ASTN2: variants seen among roughly 807,000 people sequenced by gnomAD.
The protein encoded by ASTN2 is astrotactin 2, also known as astrotactin-2.
ASTN2 carries 54 observed loss-of-function variants against 139.8 expected under a neutral mutation model. That is an observed-to-expected ratio of 0.39 (90% CI 0.31 to 0.48). The LOEUF is 0.48. ASTN2 is among the 20% of genes least tolerant of loss of function. ASTN2 has a pLI of 0.95. For missense variants in ASTN2, 1,565 were observed against 1,725.1 expected, an observed-to-expected ratio of 0.91 and a Z score of 1.64; for synonymous variants, 756 against 719.5, an observed-to-expected ratio of 1.05 and a Z score of -0.81.
intron 20 of ASTN2, among the ~76,000 whole-genome samples, chr9:116,472,615 T>C (rs1380602607): frequency 6.6e-6 from 1 of 152,028 alleles, no homozygotes; most frequent in Non-Finnish European, 1.5e-5. Context: ...GTTAGAATCA[T>C]GGTTCTGGCC....
chr9:116,995,345 T>C (rs1413858810), intron 7 of ASTN2, among the ~76,000 whole-genome samples: 1 of 152,178 alleles, frequency 6.6e-6, no homozygotes, highest in African/African-American at 2.4e-5. Flanking sequence ...ATGAGGCCCA[T>C]AGAGAAAAGG....
intron 13 of ASTN2, among the ~76,000 whole-genome samples, chr9:116,782,992 A>C (rs1830260006): frequency 6.6e-6 from 1 of 152,102 alleles, no homozygotes; most frequent in Non-Finnish European, 1.5e-5. Flanking sequence ...TACATAATTT[A>C]TCATGTGATC....
At chr9:116,833,478 T>C (rs1367835060) in intron 11 of ASTN2, among the ~76,000 whole-genome samples, 1 of 151,944 alleles carries the variant, frequency 6.6e-6, no homozygotes, top group Non-Finnish European at 1.5e-5. Context: ...GCCTAGATTA[T>C]TGATTTGTAA....
intron 10 of ASTN2, among the ~76,000 whole-genome samples, chr9:116,965,581 T>C (rs1835990271): frequency 6.6e-6 from 1 of 152,212 alleles, no homozygotes; most frequent in South Asian, 2.1e-4. Context: ...CATGGAATGA[T>C]ACAGAGAGGA....
chr9:117,142,735 C>G lies in ASTN2; in HGVS notation c.1016-1257G>C, dbSNP rs1830104223. On this transcript the variant is annotated intron_variant, in intron 3 of 22. Transcript: ENST00000313400. ...AAAAGCTTGAGAAGGAAGGAGGCAACATAAAAGGCAAGAAGAGAAAACCAA... is the reference window on the plus strand; with the variant it reads ...AAAAGCTTGAGAAGGAAGGAGGCAAGATAAAAGGCAAGAAGAGAAAACCAA... Among the ~76,000 whole-genome samples, 3 of 152,072 alleles carry G rather than the reference C, an allele frequency of 2.0e-5. No homozygotes were observed. The South Asian group carries it at 6.2e-4, about 32-fold the overall frequency.
At chr9:116,855,207 T>G (rs2132328480) in intron 11 of ASTN2, among the ~76,000 whole-genome samples, 1 of 152,318 alleles carries the variant, frequency 6.6e-6, no homozygotes, top group South Asian at 2.1e-4. Context: ...ATAGGCTTTA[T>G]GAGAATGCCA....
chr9:116,558,283 A>G (rs1222725433), intron 19 of ASTN2, among the ~76,000 whole-genome samples: 2 of 152,198 alleles, frequency 1.3e-5, no homozygotes, highest in Non-Finnish European at 2.9e-5. Context: ...GCTTACTAAT[A>G]TGACAGAATC....
At chr9:116,982,152 A>T (rs894775426) in intron 7 of ASTN2, among the ~76,000 whole-genome samples, 1 of 152,212 alleles carries the variant, frequency 6.6e-6, no homozygotes. Flanking sequence ...AGGCTGGTGA[A>T]ATAGTTCAGA....
In ASTN2 at chr9:116,815,804, C is replaced by CAAAAAAAA. The variant is rs55954354; in HGVS notation, c.2207+4805_2207+4812dup. ...TGGGCAACAGAGCGAGACTCCGTCT[C>CAAAAAAAA]AAAAAAAAAAAAAAAAAAAAAAAAG... On this transcript the variant is annotated intron_variant, in intron 12 of 22. Coordinates refer to ENST00000313400, the MANE Select transcript of ASTN2 (RefSeq NM_001365068.1). Among the ~76,000 whole-genome samples, 171 of 24,102 alleles carry CAAAAAAAA rather than the reference C, an allele frequency of 7.1e-3. 40 individuals carry two copies. The highest frequency in any genetic ancestry group is 0.027 in the African/African-American group (150 of 5,476). 15.8% of individuals were successfully genotyped at this position (24,102 alleles called of 152,430 possible). A position where few individuals can be genotyped will look rare whatever the true frequency, so the allele number is the denominator to read the frequency against.
At chr9:117,325,136 G>A (rs1345884756) in intron 1 of ASTN2, among the ~76,000 whole-genome samples, 1 of 152,122 alleles carries the variant, frequency 6.6e-6, no homozygotes, top group East Asian at 1.9e-4. Context: ...AATAAAACAA[G>A]CAGACAAGAG....
intron 1 of ASTN2, among the ~76,000 whole-genome samples, chr9:117,310,063 G>A (rs1167759077): frequency 6.6e-6 from 1 of 152,102 alleles, no homozygotes; most frequent in African/African-American, 2.4e-5. Context: ...GACAGGGTGT[G>A]CAGCCAATAC....
chr9:117,035,704 A>T (rs1838365557), intron 6 of ASTN2, among the ~76,000 whole-genome samples: 1 of 152,160 alleles, frequency 6.6e-6, no homozygotes, highest in Non-Finnish European at 1.5e-5. Context: ...AGGCATTGGG[A>T]TCATGCTGGG....
At chr9:116,676,501 C>G (rs926313811) in intron 16 of ASTN2, among the ~76,000 whole-genome samples, 1 of 152,184 alleles carries the variant, frequency 6.6e-6, no homozygotes, top group Non-Finnish European at 1.5e-5. Flanking sequence ...GAAACCAACA[C>G]AGTACAAAAT....
chr9:116,444,667 G>T (rs568975177), intron 20 of ASTN2, among the ~76,000 whole-genome samples: 1 of 152,310 alleles, frequency 6.6e-6, no homozygotes, highest in East Asian at 1.9e-4. Context: ...TACAAAGGAA[G>T]CAGGGGGTGA....
At chr9:116,796,078 C>T (rs1187975211) in intron 13 of ASTN2, among the ~76,000 whole-genome samples, 2 of 152,178 alleles carry the variant, frequency 1.3e-5, no homozygotes, top group Non-Finnish European at 2.9e-5. Flanking sequence ...CCTGGCAGCC[C>T]TCTATGGCAC....
chr9:116,863,712 T>C lies in ASTN2; in HGVS notation c.1911A>G (p.Thr637=), dbSNP rs750572616. 67 of 1,613,858 alleles carry C rather than the reference T, an allele frequency of 4.2e-5. No homozygotes were observed. Among genetic ancestry groups the C allele is most frequent in the Non-Finnish European group, 5.4e-5 (64 of 1,179,920 alleles). ...ADVREEAMLS[T]YFETINDLLS... ...GCAGGTCATTGATGGTTTCAAAGTATGTGGACAGCATCGCTTCTTCCCTTG... is the reference window on the plus strand; with the variant it reads ...GCAGGTCATTGATGGTTTCAAAGTACGTGGACAGCATCGCTTCTTCCCTTG... The change falls in exon 11 of 23, where the codon ACA becomes ACG. Residue 637 remains threonine, a synonymous_variant. Coordinates refer to ENST00000313400, the MANE Select transcript of ASTN2 (RefSeq NM_001365068.1).
chr9:117,403,969 AAG>A (rs1030710984), intron 1 of ASTN2, among the ~76,000 whole-genome samples: 6 of 152,130 alleles, frequency 3.9e-5, no homozygotes, highest in African/African-American at 9.7e-5. Flanking sequence ...AGGGAGTGGA[AAG>A]AGGGGGAGGG....
chr9:116,642,710 A>C (rs1857401055), intron 17 of ASTN2, among the ~76,000 whole-genome samples: 1 of 152,200 alleles, frequency 6.6e-6, no homozygotes, highest in Non-Finnish European at 1.5e-5. Context: ...CCCAAATGCC[A>C]AATTAACAAC....
At chr9:116,628,358 C>T (rs1429662687) in intron 17 of ASTN2, among the ~76,000 whole-genome samples, 1 of 152,188 alleles carries the variant, frequency 6.6e-6, no homozygotes, top group Non-Finnish European at 1.5e-5. Flanking sequence ...CTCTTCCCCT[C>T]CTTGGGTCTT....
Sources: allele counts gnomAD v4.1 joint callset (sites outside exome capture counted in the v4.1 genomes callset), GRCh38; gene constraint gnomAD v4.1.1; transcripts MANE v1.5; gene names NCBI Gene and HGNC (gene_info 2026-07-23, HGNC 2026-07-21).